The following ADD3 variants were observed in gnomAD, a reference collection of about 807,000 sequenced individuals.
ADD3 encodes the protein adducin 3.
In ADD3, 25 loss-of-function variants were observed where a neutral mutation model predicts 80.2. The ratio of observed to expected loss-of-function variants is 0.31; its 90% CI spans 0.23 to 0.44. ADD3 has a LOEUF of 0.44. Ranked by LOEUF, ADD3 falls within the 20% of genes least tolerant of loss-of-function variation. The pLI is 1.00. For synonymous variants in ADD3, 284 were observed against 289.6 expected, an observed-to-expected ratio of 0.98 and a Z score of 0.20; for missense variants, 829 against 847.5, an observed-to-expected ratio of 0.98 and a Z score of 0.27.
At chr10:110,047,705 G>A (rs1000518181) in intron 1 of ADD3, among the ~76,000 whole-genome samples, 1 of 152,180 alleles carries the variant, frequency 6.6e-6, no homozygotes, top group African/African-American at 2.4e-5. Flanking sequence ...AAAAGTCTCT[G>A]TTGCAAAATG....
intron 1 of ADD3, among the ~76,000 whole-genome samples, chr10:110,025,250 A>G (rs539278008): frequency 6.6e-6 from 1 of 152,178 alleles, no homozygotes; most frequent in African/African-American, 2.4e-5. Flanking sequence ...AGGCAGAGGT[A>G]TAGAAAGTGG....
chr10:110,108,258 A>G (rs1429579903), intron 2 of ADD3, among the ~76,000 whole-genome samples: 1 of 152,136 alleles, frequency 6.6e-6, no homozygotes, highest in Non-Finnish European at 1.5e-5. Context: ...TTTATCTGCC[A>G]TTGCAGTCTA....
At chr10:110,084,779 A>G (rs567319483) in intron 1 of ADD3, among the ~76,000 whole-genome samples, 7 of 152,326 alleles carry the variant, frequency 4.6e-5, no homozygotes, top group Non-Finnish European at 1.0e-4. Context: ...ATTTATATTT[A>G]CAAAGCAATG....
At chr10:110,097,760 C>T (rs1848336202) in intron 1 of ADD3, among the ~76,000 whole-genome samples, 2 of 150,338 alleles carry the variant, frequency 1.3e-5, no homozygotes, top group African/African-American at 5.0e-5. Flanking sequence ...CCTTACAGTT[C>T]CTTAGTCTTT....
intron 1 of ADD3, among the ~76,000 whole-genome samples, chr10:110,022,137 AT>A (rs200003189): frequency 2.0e-5 from 3 of 149,984 alleles, no homozygotes; most frequent in East Asian, 1.9e-4. Context: ...GGTGAGTCTA[AT>A]TTTTTTTTTA....
chr10:110,081,988 C>T (rs377286838), intron 1 of ADD3, among the ~76,000 whole-genome samples: 1 of 152,190 alleles, frequency 6.6e-6, no homozygotes, highest in African/African-American at 2.4e-5. Flanking sequence ...ACATTTTAAA[C>T]GAGAGAAGGG....
intron 1 of ADD3, among the ~76,000 whole-genome samples, chr10:110,058,403 G>A (rs184157449): frequency 2.6e-5 from 4 of 152,182 alleles, no homozygotes; most frequent in East Asian, 1.9e-4. Context: ...TCCTTCTCTC[G>A]ATTCTACATG....
chr10:110,037,825 G>A (rs1024348849), intron 1 of ADD3, among the ~76,000 whole-genome samples: 2 of 151,890 alleles, frequency 1.3e-5, no homozygotes, highest in Non-Finnish European at 2.9e-5. Flanking sequence ...CCAGCACTTT[G>A]GGAGGCTGAG....
chr10:110,096,466 C>A (rs928213), intron 1 of ADD3, among the ~76,000 whole-genome samples: 53,142 of 152,054 alleles, frequency 0.35, 14,312 homozygotes, highest in African/African-American at 0.74. Context: ...GTGTGAAAAA[C>A]AGAAACAACA....
At chr10:110,123,074 A>G (rs1248346975) in intron 9 of ADD3, among the ~76,000 whole-genome samples, 2 of 152,234 alleles carry the variant, frequency 1.3e-5, no homozygotes, top group Non-Finnish European at 2.9e-5. Context: ...AAAGCTGAAT[A>G]GTATTCCATT....
At chr10:110,033,199 T>A (rs1855258867) in intron 1 of ADD3, among the ~76,000 whole-genome samples, 1 of 152,222 alleles carries the variant, frequency 6.6e-6, no homozygotes, top group Admixed American at 6.5e-5. Context: ...ATAAACTTGG[T>A]TTGCATTTCT....
intron 1 of ADD3, among the ~76,000 whole-genome samples, chr10:110,066,532 C>T (rs193067200): frequency 3.0e-4 from 45 of 152,124 alleles, no homozygotes; most frequent in African/African-American, 1.1e-3. Context: ...CGTGCCTGGC[C>T]CTTGATTAGG....
intron 12 of ADD3, among the ~76,000 whole-genome samples, chr10:110,129,355 G>A (rs1254030708): frequency 6.6e-6 from 1 of 151,986 alleles, no homozygotes. Context: ...CTCCATGTTG[G>A]TCAGGCTAGT....
intron 8 of ADD3, among the ~76,000 whole-genome samples, chr10:110,120,770 C>G (rs1851391117): frequency 6.6e-6 from 1 of 152,066 alleles, no homozygotes; most frequent in Non-Finnish European, 1.5e-5. Context: ...CTACAGTAAC[C>G]AAAACAGCAT....
intron 1 of ADD3, among the ~76,000 whole-genome samples, chr10:110,089,941 A>G (rs1847261360): frequency 1.3e-5 from 2 of 152,186 alleles, no homozygotes; most frequent in South Asian, 2.1e-4. Flanking sequence ...TATAATAAAG[A>G]TTTTTATTTC....
At chr10:110,070,197 G>A (rs1184949897) in intron 1 of ADD3, among the ~76,000 whole-genome samples, 2 of 151,994 alleles carry the variant, frequency 1.3e-5, no homozygotes, top group African/African-American at 4.8e-5. Flanking sequence ...TATATCTGTA[G>A]TATATCTATT....
chr10:110,108,294 T>C (rs1849615076), intron 2 of ADD3, among the ~76,000 whole-genome samples: 1 of 152,198 alleles, frequency 6.6e-6, no homozygotes, highest in African/African-American at 2.4e-5. Context: ...CTAAGAGGTT[T>C]ACTCAACATT....
At chr10:110,023,531 A>C (rs1853933801) in intron 1 of ADD3, among the ~76,000 whole-genome samples, 1 of 152,232 alleles carries the variant, frequency 6.6e-6, no homozygotes, top group Non-Finnish European at 1.5e-5. Flanking sequence ...AGGCTGAAGA[A>C]ATATATAGTC....
chr10:110,022,084 A>G (rs770306946), intron 1 of ADD3, among the ~76,000 whole-genome samples: 1 of 152,174 alleles, frequency 6.6e-6, no homozygotes, highest in Non-Finnish European at 1.5e-5. Context: ...TTTCTTGTCC[A>G]GGTAGAAATC....
Sources: allele counts gnomAD v4.1 joint callset (sites outside exome capture counted in the v4.1 genomes callset), GRCh38; gene constraint gnomAD v4.1.1; transcripts MANE v1.5; gene names NCBI Gene and HGNC (gene_info 2026-07-23, HGNC 2026-07-21).